The following EMP2 variants were observed in gnomAD, a reference collection of about 807,000 sequenced individuals.
EMP2 encodes epithelial membrane protein 2.
A neutral mutation model predicts 13.7 loss-of-function variants in EMP2; 19 were observed. The observed-to-expected ratio is 1.38, with a 90% CI of 0.97 to 2.03. The LOEUF (loss-of-function observed/expected upper bound fraction) is 2.03, where lower values mean the gene tolerates loss of function less well. Among genes scored for constraint, EMP2 ranks in the 30% most tolerant of loss-of-function variants. EMP2 has a pLI of 0.00. For missense variants in EMP2, 253 were observed against 220.7 expected, an observed-to-expected ratio of 1.15 and a Z score of -0.93; for synonymous variants, 97 against 84.7, an observed-to-expected ratio of 1.15 and a Z score of -0.80.
rs547551761 is a variant in EMP2, at chr16:10,568,386, T to C, written c.-61+12163A>G. Among the ~76,000 whole-genome samples the C allele has an allele frequency of 9.5e-4, 144 of 152,304 alleles. No homozygotes were observed. In the South Asian group the frequency reaches 0.029, roughly 30 times the overall value. On this transcript the variant is annotated intron_variant, in intron 1 of 4. Transcript: ENST00000359543. ...ATATGTATATATTTATGTATTATTA[T>C]ATATTTACATGTGTATTCACAGGTG...
intron 1 of EMP2, among the ~76,000 whole-genome samples, chr16:10,553,118 G>A (rs2050800428): frequency 6.6e-6 from 1 of 152,228 alleles, no homozygotes; most frequent in African/African-American, 2.4e-5. Flanking sequence ...TTTGGAGGAA[G>A]TTATTCACAA....
intron 3 of EMP2, 89 bp from the exon 4 acceptor site, chr16:10,538,163 G>A (rs943341035): frequency 1.1e-5 from 16 of 1,512,758 alleles, no homozygotes; most frequent in African/African-American, 2.7e-5. Context: ...TCCAGAGTAG[G>A]TGTGACAGGA....
In EMP2 at chr16:10,559,070, G is replaced by A. The variant is rs190374081; in HGVS notation, c.-60-11393C>T. On this transcript the variant is annotated intron_variant, in intron 1 of 4. Transcript: ENST00000359543. ...TTCCACCCACAGCTCCCGCTCCAAC[G>A]GCCAGGGAGGCTCTGGCCCAGAACC... 624 of 152,438 alleles carry A rather than the reference G, an allele frequency of 4.1e-3. 1 individual carries two copies. Among genetic ancestry groups the A allele is most frequent in the African/African-American group, 0.014 (574 of 41,560 alleles). The allele number at this position is 152,438 out of a possible 1,614,324, so 9.4% of individuals were successfully genotyped here. A position where few individuals can be genotyped will look rare whatever the true frequency, so the allele number is the denominator to read the frequency against.
intron 1 of EMP2, among the ~76,000 whole-genome samples, chr16:10,578,603 A>G (rs1454787705): frequency 6.6e-6 from 1 of 152,108 alleles, no homozygotes; most frequent in African/African-American, 2.4e-5. Context: ...CCTCACAGGG[A>G]CGCTTCCGCC....
intron 1 of EMP2, among the ~76,000 whole-genome samples, chr16:10,560,478 C>T (rs908669741): frequency 7.9e-5 from 12 of 152,226 alleles, no homozygotes; most frequent in African/African-American, 2.9e-4. Context: ...AGAGCCAGGG[C>T]TCTAATCCCA....
chr16:10,536,635 G>T (rs889520976), intron 4 of EMP2, among the ~76,000 whole-genome samples: 2 of 152,130 alleles, frequency 1.3e-5, no homozygotes, highest in African/African-American at 4.8e-5. Flanking sequence ...CCAGTCTCGG[G>T]TATGTCTTTA....
intron 1 of EMP2, among the ~76,000 whole-genome samples, chr16:10,555,054 A>C (rs957916629): frequency 2.0e-5 from 3 of 152,160 alleles, no homozygotes; most frequent in Non-Finnish European, 4.4e-5. Flanking sequence ...AGAGCTGTAA[A>C]GGCCCTTGGA....
At chr16:10,561,261 T>C (rs1437237331) in intron 1 of EMP2, among the ~76,000 whole-genome samples, 2 of 152,126 alleles carry the variant, frequency 1.3e-5, no homozygotes, top group African/African-American at 4.8e-5. Context: ...AACAGTTCAT[T>C]TGGTTTTAGA....
chr16:10,550,894 G>A (rs2050782967), intron 1 of EMP2, among the ~76,000 whole-genome samples: 1 of 151,196 alleles, frequency 6.6e-6, no homozygotes, highest in Non-Finnish European at 1.5e-5. Context: ...AGAATCACTT[G>A]AACCCAGAAG....
At chr16:10,549,116 C>G (rs2050762154) in intron 1 of EMP2, among the ~76,000 whole-genome samples, 1 of 152,176 alleles carries the variant, frequency 6.6e-6, no homozygotes. Context: ...AGCCTCACAC[C>G]TTGGACAGAT....
Position 10,546,034 on chromosome 16 carries a change from G to A in EMP2, c.78+1506C>T, listed in dbSNP as rs540285346. 79 of 152,326 alleles carry A rather than the reference G, an allele frequency of 5.2e-4. 2 individuals carry two copies. The highest frequency in any genetic ancestry group is 1.8e-3 in the African/African-American group (75 of 41,538). 9.4% of individuals were successfully genotyped at this position (152,326 alleles called of 1,614,324 possible). On this transcript the variant is annotated intron_variant, in intron 2 of 4. Coordinates refer to ENST00000359543, the MANE Select transcript of EMP2 (RefSeq NM_001424.6). ...TACTGCACTGTAAACTCTGCCAAGT[G>A]CCCGAATGGCCCTGAGGCGCAGTTC...
intron 1 of EMP2, among the ~76,000 whole-genome samples, chr16:10,552,636 GTTCT>G (rs1273558005): frequency 6.6e-6 from 1 of 152,114 alleles, no homozygotes; most frequent in South Asian, 2.1e-4. Context: ...TATTTTTAAC[GTTCT>G]TTCTTTTTAT....
rs111269795 is a variant in EMP2, at chr16:10,540,743, C to T, written c.170-2669G>A. Among the ~76,000 whole-genome samples, 1,084 of 152,168 alleles carry T rather than the reference C, an allele frequency of 7.1e-3. 10 individuals carry two copies. Among genetic ancestry groups the T allele is most frequent in the Non-Finnish European group, 0.012 (830 of 68,012 alleles). ...CTTTCCATCTAGTATTTTCAGAAAG[C>T]TTCCCTTCTTTTATGGCAAGTGATA... On this transcript the variant is annotated intron_variant, in intron 3 of 4. Transcript: ENST00000359543.
At position 10,547,641 on chromosome 16, in the gene EMP2, G is replaced by A. The variant is rs2050750150; in HGVS notation, c.-24C>T. ...ATTTTCACAGGGCAGGGCGAGTCGA[G>A]GCGAGGGGTCACGTTTAAAGCCCAG... On this transcript the variant is annotated 5_prime_UTR_variant, in exon 2 of 5. Transcript: ENST00000359543. The A allele has an allele frequency of 6.2e-7, 1 of 1,613,440 alleles. No individual in the cohort carries two copies. The highest frequency in any genetic ancestry group is 1.7e-5 in the Admixed American group (1 of 59,954).
chr16:10,545,856 A>G (rs1335966663), intron 2 of EMP2: 1 of 151,846 alleles, frequency 6.6e-6, no homozygotes, highest in Non-Finnish European at 1.5e-5. Flanking sequence ...GACCACTGCT[A>G]TAATCCATAG....
chr16:10,530,548 A>G lies in EMP2; in HGVS notation c.*2357T>C, dbSNP rs2050590751. On this transcript the variant is annotated 3_prime_UTR_variant, in exon 5 of 5. Coordinates refer to ENST00000359543, the MANE Select transcript of EMP2 (RefSeq NM_001424.6). ...TGCTCCAACATAAGCAGAAAAAGACAATGAGGTGCAAAGAGCTTATCTCCT... is the reference window on the plus strand; with the variant it reads ...TGCTCCAACATAAGCAGAAAAAGACGATGAGGTGCAAAGAGCTTATCTCCT... The G allele has an allele frequency of 6.6e-6, 1 of 152,586 alleles. No individual in the cohort carries two copies. The highest frequency in any genetic ancestry group is 1.5e-5 in the Non-Finnish European group (1 of 68,072). The allele number at this position is 152,586 out of a possible 1,614,324, so 9.5% of individuals were successfully genotyped here.
At position 10,529,445 on chromosome 16, in the gene EMP2, A is replaced by G. The variant is rs1257215518; in HGVS notation, c.*3460T>C. The G allele has an allele frequency of 6.6e-6, 1 of 152,224 alleles. No homozygotes were observed. Among genetic ancestry groups the G allele is most frequent in the African/African-American group, 2.4e-5 (1 of 41,468 alleles). The allele number at this position is 152,224 out of a possible 1,614,324, so 9.4% of individuals were successfully genotyped here. A position where few individuals can be genotyped will look rare whatever the true frequency, so the allele number is the denominator to read the frequency against. ...ATGTCTCAAAAAAGCTTAATGGCAC[A>G]GGTGGATGTGGGCACTGAATGTTGT... is the stretch of plus-strand genomic sequence containing the variant. On this transcript the variant is annotated 3_prime_UTR_variant, in exon 5 of 5. Coordinates refer to ENST00000359543, the MANE Select transcript of EMP2 (RefSeq NM_001424.6).
chr16:10,578,027 C>T (rs2050996142), intron 1 of EMP2: 1 of 150,430 alleles, frequency 6.6e-6, no homozygotes, highest in African/African-American at 2.5e-5. Context: ...CCAAACAAAC[C>T]TCGCCAAGCA....
At chr16:10,560,939 C>T (rs2050867120) in intron 1 of EMP2, among the ~76,000 whole-genome samples, 1 of 152,164 alleles carries the variant, frequency 6.6e-6, no homozygotes, top group Admixed American at 6.5e-5. Flanking sequence ...TCCTGGAGGC[C>T]AAGGGGGCTG....
Sources: allele counts gnomAD v4.1 joint callset (sites outside exome capture counted in the v4.1 genomes callset), GRCh38; gene constraint gnomAD v4.1.1; transcripts MANE v1.5; gene names NCBI Gene and HGNC (gene_info 2026-07-23, HGNC 2026-07-21).